Variants in FRY observed in about 807,000 individuals in gnomAD.
The protein encoded by FRY is protein furry homolog.
FRY carries 128 observed loss-of-function variants against 348.4 expected under a neutral mutation model. The observed-to-expected ratio is 0.37, with a 90% CI of 0.32 to 0.43. The LOEUF (loss-of-function observed/expected upper bound fraction) is 0.43, where lower values mean the gene tolerates loss of function less well. Ranked by LOEUF, FRY falls within the 20% of genes least tolerant of loss-of-function variation. FRY has a pLI of 1.00. For missense variants in FRY, 2,736 were observed against 3,695.2 expected (o/e 0.74, Z 6.73); for synonymous variants, 1,370 against 1,374.7 (o/e 1.00, Z 0.08).
At chr13:32,151,156 A>G (rs1249869438) in intron 14 of FRY, among the ~76,000 whole-genome samples, 1 of 152,240 alleles carries the variant, frequency 6.6e-6, no homozygotes, top group Non-Finnish European at 1.5e-5. Flanking sequence ...TTACTGGATT[A>G]CTTGTCTAAA....
chr13:32,103,422 C>T (rs944871882), intron 3 of FRY, among the ~76,000 whole-genome samples: 2 of 152,054 alleles, frequency 1.3e-5, no homozygotes, highest in African/African-American at 2.4e-5. Flanking sequence ...AACCAAACAC[C>T]GCATGTTCTC....
chr13:32,187,559 T>G lies in FRY; in HGVS notation c.3494T>G (p.Val1165Gly), dbSNP rs1240741461. 1 of 1,604,476 alleles carries G rather than the reference T, an allele frequency of 6.2e-7. No homozygotes were observed. The highest frequency in any genetic ancestry group is 8.5e-7 in the Non-Finnish European group (1 of 1,171,164). Residue 1165 changes from valine to glycine, a missense_variant, in exon 28 of 61, where the codon GTA becomes GGA. Val to Gly is a moderately radical substitution (Grantham distance 109, BLOSUM62 -3). Transcript: ENST00000542859. ...TTTTATCATCAGGCAATGTCAGCAGTACTGTGCTGTGGCCCTGTCTTTGAC... is the reference window on the plus strand; with the variant it reads ...TTTTATCATCAGGCAATGTCAGCAGGACTGTGCTGTGGCCCTGTCTTTGAC... The part of the protein sequence containing the change: ...QYCALKAMSA[V>G]LCCGPVFDNV...
intron 51 of FRY, among the ~76,000 whole-genome samples, chr13:32,257,707 T>A (rs549219966): frequency 6.6e-6 from 1 of 152,242 alleles, no homozygotes; most frequent in Non-Finnish European, 1.5e-5. Flanking sequence ...TCAGAAATTG[T>A]AATAATGATT....
At chr13:32,284,880 C>A (rs569458593) in intron 58 of FRY, among the ~76,000 whole-genome samples, 6 of 152,276 alleles carry the variant, frequency 3.9e-5, no homozygotes, top group African/African-American at 1.4e-4. Flanking sequence ...AGCATAGAAT[C>A]CACCTGAGAA....
rs149994950 is a variant in FRY, at chr13:32,203,860, C to T, written c.4018+1333C>T. 2.7e-4 allele frequency among the ~76,000 whole-genome samples: 41 copies of T among 152,332 alleles called. No homozygotes were observed. In the East Asian group the frequency reaches 7.5e-3, roughly 28 times the overall value. ...CTCACCACTGCTTTGTCCAGATCTTCCTCAGTCCTTCCCTGCCTCTGCATT... is the reference window on the plus strand; with the variant it reads ...CTCACCACTGCTTTGTCCAGATCTTTCTCAGTCCTTCCCTGCCTCTGCATT... On this transcript the variant is annotated intron_variant, in intron 31 of 60. Coordinates refer to ENST00000542859, the MANE Select transcript of FRY (RefSeq NM_023037.3).
chr13:32,278,621 G>A (rs763610203), intron 58 of FRY, 73 bp downstream of exon 58: 2 of 855,814 alleles, frequency 2.3e-6, no homozygotes, highest in East Asian at 2.4e-5. Context: ...TACCCAAGAA[G>A]CCTGGAACTT....
At chr13:32,192,739 C>CTT (rs71194513) in intron 28 of FRY, among the ~76,000 whole-genome samples, 7,922 of 99,174 alleles carry the variant, frequency 0.08, 460 homozygotes, top group East Asian at 0.23. Context: ...CAGAATGTTA[C>CTT]TTTTTTTTTT....
chr13:32,289,704 G>T lies in FRY; in HGVS notation c.8541G>T (p.Lys2847Asn), dbSNP rs970558610. 1 of 1,612,590 alleles carries T rather than the reference G, an allele frequency of 6.2e-7. No individual in the cohort carries two copies. Among genetic ancestry groups the T allele is most frequent in the Non-Finnish European group, 8.5e-7 (1 of 1,178,728 alleles). The change falls in exon 59 of 61, where the codon AAG becomes AAT. Residue 2847 changes from lysine (K) to asparagine (N), a missense_variant. By Grantham distance (94) the Lys-to-Asn change is moderately conservative (BLOSUM62 0). Around this residue, in one of 9 missense-constraint regions of FRY, gnomAD observed 157 missense variants for 215.2 expected, o/e 0.73. Coordinates refer to ENST00000542859, the MANE Select transcript of FRY (RefSeq NM_023037.3). ...TATTGCTTTTTCAGTCCTACTGTAAGCTCATCGGCCAGGTGCACGAAGTTA... is the reference window on the plus strand; with the variant it reads ...TATTGCTTTTTCAGTCCTACTGTAATCTCATCGGCCAGGTGCACGAAGTTA... ...QLLLLFQSYC[K>N]LIGQVHEVSS...
intron 30 of FRY, 139 bp downstream of exon 30, chr13:32,202,179 A>G: frequency 1.2e-6 from 1 of 805,824 alleles, no homozygotes; most frequent in Non-Finnish European, 2.1e-6. Flanking sequence ...AGAGTGAGAA[A>G]GTAACTATAT....
At chr13:32,072,861 T>G (rs967241332) in intron 1 of FRY, among the ~76,000 whole-genome samples, 1 of 152,164 alleles carries the variant, frequency 6.6e-6, no homozygotes, top group African/African-American at 2.4e-5. Context: ...AAAGAATAAT[T>G]TATGTACAAC....
chr13:32,134,466 A>G (rs1001625010), intron 8 of FRY, among the ~76,000 whole-genome samples: 2 of 152,208 alleles, frequency 1.3e-5, no homozygotes, highest in African/African-American at 4.8e-5. Context: ...AGGGCCTAAA[A>G]TAAGTTCGAT....
At chr13:32,098,987 C>T (rs1876966404) in intron 2 of FRY, among the ~76,000 whole-genome samples, 6 of 151,790 alleles carry the variant, frequency 4.0e-5, no homozygotes, top group South Asian at 4.1e-4. Context: ...CCACCATGTG[C>T]GTTTCTTCAA....
chr13:32,145,969 A>G (rs998204854), intron 11 of FRY, among the ~76,000 whole-genome samples: 14 of 152,078 alleles, frequency 9.2e-5, no homozygotes, highest in Non-Finnish European at 1.8e-4. Context: ...TGTCACCATC[A>G]TGAGAAGCCT....
At chr13:32,265,299 A>T in intron 53 of FRY, 151 bp from the exon 54 acceptor site, 1 of 732,914 alleles carries the variant, frequency 1.4e-6, no homozygotes, top group Non-Finnish European at 2.4e-6. Context: ...AGTCCAGCCT[A>T]GAAACGGACT....
chr13:32,218,375 T>C (rs967999685), intron 35 of FRY, among the ~76,000 whole-genome samples: 8 of 152,114 alleles, frequency 5.3e-5, no homozygotes, highest in Non-Finnish European at 1.2e-4. Context: ...TAAATCATAG[T>C]GTCAGTTTAT....
Position 32,254,277 on chromosome 13 carries a change from G to A in FRY, c.7299G>A (p.Leu2433=). The A allele has an allele frequency of 6.2e-7, 1 of 1,614,076 alleles. No individual in the cohort carries two copies. The highest frequency in any genetic ancestry group is 1.1e-5 in the South Asian group (1 of 91,080). ...ATCTGCTTGAGCACCAGACAAGCTTGGTATCTTCTGAGGACGGTGCCCGAG... is the reference window on the plus strand; with the variant it reads ...ATCTGCTTGAGCACCAGACAAGCTTAGTATCTTCTGAGGACGGTGCCCGAG... ...DLDLLEHQTS[L]VSSEDGAREQ... is the part of the protein sequence containing the mutation. Residue 2433 remains leucine, a synonymous_variant, in exon 51 of 61, where the codon TTG becomes TTA. Coordinates refer to ENST00000542859, the MANE Select transcript of FRY (RefSeq NM_023037.3).
intron 28 of FRY, among the ~76,000 whole-genome samples, chr13:32,188,466 A>G (rs1301631601): frequency 6.6e-6 from 1 of 152,148 alleles, no homozygotes; most frequent in African/African-American, 2.4e-5. Context: ...TCATTTGATG[A>G]GAAGAATTAG....
chr13:32,226,072 T>C, intron 39 of FRY, 98 bp downstream of exon 39: 1 of 969,542 alleles, frequency 1.0e-6, no homozygotes, highest in East Asian at 2.5e-5. Context: ...TCTCTCATGC[T>C]ATGACCTCCA....
At chr13:32,097,774 G>A (rs1876844980) in intron 2 of FRY, among the ~76,000 whole-genome samples, 1 of 151,994 alleles carries the variant, frequency 6.6e-6, no homozygotes, top group East Asian at 1.9e-4. Flanking sequence ...TGGAGTGTGT[G>A]TGTGTGTTGG....
Sources: allele counts gnomAD v4.1 joint callset (sites outside exome capture counted in the v4.1 genomes callset), GRCh38; gene constraint gnomAD v4.1.1; regional missense constraint gnomAD v4.1.1; transcripts MANE v1.5; gene names NCBI Gene and HGNC (gene_info 2026-07-23, HGNC 2026-07-21).